KCNIP4: variants seen among roughly 807,000 people sequenced by gnomAD.
KCNIP4 encodes the protein Kv channel-interacting protein 4.
Under a neutral mutation model 34.0 loss-of-function variants are expected in KCNIP4, and 12 were observed. The ratio of observed to expected loss-of-function variants is 0.35; its 90% CI spans 0.23 to 0.57. The LOEUF is 0.57. KCNIP4 is among the 20% of genes least tolerant of loss of function. The pLI is 0.83. For missense variants in KCNIP4, 238 were observed against 311.7 expected (o/e 0.76, Z 1.78); for synonymous variants, 124 against 102.2 (o/e 1.21, Z -1.29).
intron 1 of KCNIP4, among the ~76,000 whole-genome samples, chr4:21,854,345 G>A (rs564876292): frequency 6.6e-5 from 10 of 152,272 alleles, no homozygotes; most frequent in East Asian, 3.9e-4. Flanking sequence ...GAGGGGATTC[G>A]GTACAACATA....
intron 1 of KCNIP4, among the ~76,000 whole-genome samples, chr4:21,887,753 T>C (rs1019451443): frequency 6.6e-6 from 1 of 152,164 alleles, no homozygotes. Flanking sequence ...TGAGGTTATA[T>C]AACTGAAAAG....
At chr4:21,921,484 T>G (rs1467840969) in intron 1 of KCNIP4, among the ~76,000 whole-genome samples, 1 of 152,154 alleles carries the variant, frequency 6.6e-6, no homozygotes, top group East Asian at 1.9e-4. Flanking sequence ...AATTCCCTAG[T>G]TGACATTTCT....
At chr4:21,066,194 G>T (rs767945079) in intron 1 of KCNIP4, among the ~76,000 whole-genome samples, 1 of 152,090 alleles carries the variant, frequency 6.6e-6, no homozygotes, top group Non-Finnish European at 1.5e-5. Context: ...AGCTCTGATG[G>T]CTCCAAGGTT....
intron 1 of KCNIP4, among the ~76,000 whole-genome samples, chr4:21,199,420 A>AT (rs1425125131): frequency 5.9e-5 from 9 of 151,760 alleles, no homozygotes; most frequent in Non-Finnish European, 4.4e-5. Flanking sequence ...GGGTTGTTTG[A>AT]TTTTTTCTTG....
chr4:21,425,481 C>T (rs1348466906), intron 1 of KCNIP4, among the ~76,000 whole-genome samples: 1 of 151,788 alleles, frequency 6.6e-6, no homozygotes, highest in East Asian at 1.9e-4. Flanking sequence ...TATATATGCA[C>T]ATAAAGTGGT....
chr4:21,074,082 AT>A (rs747062708), intron 1 of KCNIP4, among the ~76,000 whole-genome samples: 42 of 152,280 alleles, frequency 2.8e-4, no homozygotes, highest in Non-Finnish European at 5.4e-4. Context: ...CATCAGGGAT[AT>A]TGGTCTAAAA....
chr4:21,700,853 T>G (rs1359967537), intron 1 of KCNIP4, among the ~76,000 whole-genome samples: 3 of 152,182 alleles, frequency 2.0e-5, no homozygotes, highest in Non-Finnish European at 4.4e-5. Context: ...TTGAAGACAC[T>G]GTCCTCTCCC....
intron 1 of KCNIP4, among the ~76,000 whole-genome samples, chr4:21,241,514 T>C (rs1361325217): frequency 3.3e-5 from 5 of 151,994 alleles, no homozygotes; most frequent in South Asian, 4.1e-4. Context: ...GATGGAAACA[T>C]AGAAAGGGGC....
chr4:20,741,605 C>G (rs190825888), intron 5 of KCNIP4, among the ~76,000 whole-genome samples: 1 of 152,134 alleles, frequency 6.6e-6, no homozygotes, highest in Admixed American at 6.5e-5. Context: ...TCAAAGCCCA[C>G]AAGAGAAAGC....
intron 1 of KCNIP4, among the ~76,000 whole-genome samples, chr4:21,085,899 T>C (rs1746384952): frequency 6.6e-6 from 1 of 152,124 alleles, no homozygotes; most frequent in Non-Finnish European, 1.5e-5. Context: ...ATTGGTTAGG[T>C]TTGTTAACTC....
At chr4:20,738,937 T>G (rs1000030016) in intron 5 of KCNIP4, among the ~76,000 whole-genome samples, 6 of 152,148 alleles carry the variant, frequency 3.9e-5, no homozygotes, top group Admixed American at 6.5e-5. Flanking sequence ...ACCAGGAGAT[T>G]ATATACTGCA....
At chr4:21,420,772 G>A (rs918823603) in intron 1 of KCNIP4, among the ~76,000 whole-genome samples, 5 of 152,060 alleles carry the variant, frequency 3.3e-5, no homozygotes, top group African/African-American at 1.2e-4. Flanking sequence ...AAGGCAACAA[G>A]CAAAAGCAGA....
chr4:20,782,303 C>T (rs2149393466), intron 3 of KCNIP4, among the ~76,000 whole-genome samples: 1 of 152,108 alleles, frequency 6.6e-6, no homozygotes, highest in South Asian at 2.1e-4. Context: ...GGATGGTGGC[C>T]CTCTTCTCAC....
chr4:21,592,930 G>C (rs997775496), intron 1 of KCNIP4, among the ~76,000 whole-genome samples: 1 of 152,062 alleles, frequency 6.6e-6, no homozygotes, highest in Non-Finnish European at 1.5e-5. Flanking sequence ...TCTCATGGCT[G>C]TATGAGGCCT....
At chr4:21,236,377 C>T (rs1759360292) in intron 1 of KCNIP4, among the ~76,000 whole-genome samples, 1 of 152,064 alleles carries the variant, frequency 6.6e-6, no homozygotes, top group Non-Finnish European at 1.5e-5. Flanking sequence ...ATTGATACAA[C>T]CACTTTACTT....
chr4:21,201,519 T>A (rs4389577), intron 1 of KCNIP4, among the ~76,000 whole-genome samples: 10,453 of 152,108 alleles, frequency 0.069, 418 homozygotes, highest in East Asian at 0.15. Context: ...GTTTTTGAGA[T>A]GGACTCTCGC....
At chr4:21,841,662 G>A (rs1723688538) in intron 1 of KCNIP4, among the ~76,000 whole-genome samples, 1 of 152,042 alleles carries the variant, frequency 6.6e-6, no homozygotes, top group East Asian at 1.9e-4. Flanking sequence ...TGAACCATAT[G>A]AAATCTATAG....
chr4:20,944,317 G>T (rs1731962156), intron 1 of KCNIP4, among the ~76,000 whole-genome samples: 1 of 152,110 alleles, frequency 6.6e-6, no homozygotes, highest in South Asian at 2.1e-4. Flanking sequence ...TCATGAGAAG[G>T]ACAACAGAGA....
intron 1 of KCNIP4, among the ~76,000 whole-genome samples, chr4:21,105,522 A>G (rs1748436608): frequency 6.6e-6 from 1 of 151,696 alleles, no homozygotes; most frequent in Non-Finnish European, 1.5e-5. Flanking sequence ...TTCTAGATAT[A>G]CAATCATGTC....
Sources: gnomAD v4.1 joint callset for allele counts (sites outside exome capture counted in the v4.1 genomes callset) on GRCh38, gnomAD v4.1.1 for gene constraint, MANE v1.5 for transcripts, NCBI Gene and HGNC (gene_info 2026-07-23, HGNC 2026-07-21) for gene names.